Variants in BNIP3 observed in about 807,000 individuals in gnomAD.
The protein encoded by BNIP3 is BCL2/adenovirus E1B 19 kDa protein-interacting protein 3.
A neutral mutation model predicts 23.9 loss-of-function variants in BNIP3; 16 were observed. The observed-to-expected ratio is 0.67, with a 90% CI of 0.45 to 1.01. The LOEUF (loss-of-function observed/expected upper bound fraction) is 1.01. Ranked by LOEUF, BNIP3 falls within the 50% of genes least tolerant of loss-of-function variation. BNIP3 has a pLI of 0.00. For missense variants in BNIP3, 198 were observed against 248.7 expected (o/e 0.80, Z 1.37); for synonymous variants, 81 against 89.3 (o/e 0.91, Z 0.53).
At chr10:131,971,268 C>A in intron 3 of BNIP3, 3 of 414,666 alleles carry the variant, frequency 7.2e-6, no homozygotes, top group Non-Finnish European at 4.5e-6. Flanking sequence ...CTGACAGCGG[C>A]AAACACTGTC....
At chr10:131,971,226 T>TAC (rs1191508907) in intron 3 of BNIP3, 1 of 495,758 alleles carries the variant, frequency 2.0e-6, no homozygotes, top group African/African-American at 1.9e-5. Flanking sequence ...AGGGCGTAAA[T>TAC]ACATTTGGTT....
intron 1 of BNIP3, among the ~76,000 whole-genome samples, chr10:131,975,882 C>G (rs3829156): frequency 0.28 from 43,353 of 152,142 alleles, 6,271 homozygotes; most frequent in East Asian, 0.45. Flanking sequence ...AAAGGCAAGC[C>G]AGGGTCTGTC....
chr10:131,973,239 C>T (rs753690476), intron 2 of BNIP3, 121 bp from the exon 3 acceptor site: 21 of 979,004 alleles, frequency 2.1e-5, no homozygotes, highest in African/African-American at 4.8e-5. Flanking sequence ...AGTCAGCGTA[C>T]GCGTCTTCCC....
intron 1 of BNIP3, among the ~76,000 whole-genome samples, chr10:131,975,516 A>G (rs2037072900): frequency 6.6e-6 from 1 of 152,038 alleles, no homozygotes; most frequent in African/African-American, 2.4e-5. Flanking sequence ...CCTTAAACCA[A>G]CACAGCACTA....
chr10:131,980,771 G>C (rs988205174), intron 1 of BNIP3: 2 of 152,128 alleles, frequency 1.3e-5, no homozygotes, highest in African/African-American at 4.8e-5. Context: ...CACTGTCAGA[G>C]GTTTCAGCAG....
intron 2 of BNIP3, 121 bp from the exon 3 acceptor site, chr10:131,973,239 C>A: frequency 1.0e-6 from 1 of 979,126 alleles, no homozygotes; most frequent in Non-Finnish European, 1.6e-6. Context: ...AGTCAGCGTA[C>A]GCGTCTTCCC....
At chr10:131,972,995 CAAAT>C in intron 3 of BNIP3, 35 bp downstream of exon 3, 1 of 1,581,978 alleles carries the variant, frequency 6.3e-7, no homozygotes, top group Non-Finnish European at 8.7e-7. Context: ...AAACAGATCA[CAAAT>C]ACTTTTACAA....
chr10:131,971,563 C>T (rs997988385), intron 3 of BNIP3: 1 of 152,526 alleles, frequency 6.6e-6, no homozygotes, highest in Non-Finnish European at 1.5e-5. Flanking sequence ...TACTTTTTTG[C>T]ATTTTCAAAA....
intron 1 of BNIP3, chr10:131,980,567 A>AC (rs747202964): frequency 6.8e-5 from 10 of 146,916 alleles, no homozygotes; most frequent in Non-Finnish European, 1.2e-4. Flanking sequence ...ACACAGTGAG[A>AC]CCCCGTCTCT....
In BNIP3 at chr10:131,967,694, T is replaced by C. The variant is rs1443034526; in HGVS notation, c.*830A>G. Reference sequence around the variant, plus strand: ...ATGTAAATACAGTAATCTGAAGGATTTGGCAAAGATTTATTTTTTTTTCCA... The same window carrying C: ...ATGTAAATACAGTAATCTGAAGGATCTGGCAAAGATTTATTTTTTTTTCCA... On this transcript the variant is annotated 3_prime_UTR_variant, in exon 6 of 6. Transcript: ENST00000368636. The C allele has an allele frequency of 1.9e-4, 29 of 152,788 alleles. No homozygotes were observed. Among genetic ancestry groups the C allele is most frequent in the African/African-American group, 6.3e-4 (26 of 41,574 alleles). The allele number at this position is 152,788 out of a possible 1,614,324, so 9.5% of individuals were successfully genotyped here.
rs1390641794 is a variant in BNIP3 at position 131,970,462 on chromosome 10, G to T, written c.539+176C>A. ...CAGGGCGCCTGTGCTGGGGCCTTTG[G>T]GGGCTGCAGGCTGGTGGTTTCTGGA... On this transcript the variant is annotated intron_variant, in intron 5 of 5. Transcript: ENST00000368636. This position sits in a 1 kb window ranked among gnomAD's most constrained non-coding sequence, Gnocchi z 4.1. 1.1e-6 allele frequency: 1 copy of T among 931,074 alleles called. No homozygotes were observed. Among genetic ancestry groups the T allele is most frequent in the African/African-American group, 1.7e-5 (1 of 59,824 alleles). 57.7% of individuals were successfully genotyped at this position (931,074 alleles called of 1,614,324 possible).
At chr10:131,972,134 TAGGA>T (rs924535885) in intron 3 of BNIP3, among the ~76,000 whole-genome samples, 1 of 151,848 alleles carries the variant, frequency 6.6e-6, no homozygotes, top group Non-Finnish European at 1.5e-5. Context: ...TGTGCCGGAG[TAGGA>T]AGGGAGAACG....
At chr10:131,971,831 C>T (rs967148589) in intron 3 of BNIP3, among the ~76,000 whole-genome samples, 17 of 152,284 alleles carry the variant, frequency 1.1e-4, no homozygotes, top group Admixed American at 6.5e-4. Context: ...TGCTGCCCCT[C>T]GGAGTGGGGC....
intron 1 of BNIP3, 147 bp downstream of exon 1, chr10:131,981,614 G>T: frequency 9.8e-7 from 1 of 1,017,786 alleles, no homozygotes; most frequent in African/African-American, 1.7e-5. Context: ...CAGGAGGGGT[G>T]GGTACGGAAG....
At chr10:131,974,794 C>T (rs1390838609) in intron 1 of BNIP3, among the ~76,000 whole-genome samples, 1 of 152,130 alleles carries the variant, frequency 6.6e-6, no homozygotes, top group East Asian at 1.9e-4. Context: ...ACTGGTTCTT[C>T]GAATCTCTTA....
chr10:131,971,220 C>T (rs1723445300), intron 3 of BNIP3: 1 of 508,642 alleles, frequency 2.0e-6, no homozygotes, highest in South Asian at 2.1e-5. Flanking sequence ...CCACTCAGGG[C>T]GTAAATACAT....
In BNIP3 at chr10:131,970,927, A is replaced by G. The variant is rs768951105; in HGVS notation, c.326T>C (p.Ile109Thr). 2.5e-6 allele frequency: 4 copies of G among 1,614,234 alleles called. No homozygotes were observed. Among genetic ancestry groups the G allele is most frequent in the Admixed American group, 1.7e-5 (1 of 60,026 alleles). The change falls in exon 4 of 6, where the codon ATC becomes ACC. Residue 109 changes from isoleucine (I) to threonine (T), a missense_variant. Physicochemically the swap from Ile to Thr is moderately conservative, Grantham distance 89. Coordinates refer to ENST00000368636, the MANE Select transcript of BNIP3 (RefSeq NM_004052.4). This position sits in a 1 kb window ranked among gnomAD's most constrained non-coding sequence, Gnocchi z 4.1. ...TATCCAATCTGAGTTTTTCTTCAAG[A>G]TGCTTTCAACTTCTTTCCTTCTTTC... ...DIERRKEVES[I>T]LKKNSDWIWD...
intron 3 of BNIP3, 189 bp from the exon 4 acceptor site, chr10:131,971,159 G>A (rs752543643): frequency 7.8e-5 from 47 of 598,740 alleles, no homozygotes; most frequent in Admixed American, 1.5e-4. Flanking sequence ...CCGCACTCCC[G>A]GCTCACAGCA....
rs1198517347 is a variant in BNIP3, at chr10:131,976,072, C to G, written c.47-2129G>C. ...TAGCCCTCCTTCCCTCTCTGCGGTT[C>G]AAGATGCCATGCGGCCGGCTAGCCA... On this transcript the variant is annotated intron_variant, in intron 1 of 5. Coordinates refer to ENST00000368636, the MANE Select transcript of BNIP3 (RefSeq NM_004052.4). The surrounding 1 kb of genome is among the most constrained non-coding windows in gnomAD (Gnocchi z 4.3). Among the ~76,000 whole-genome samples the G allele has an allele frequency of 6.6e-6, 1 of 152,354 alleles. No homozygotes were observed.
Sources: gnomAD v4.1 joint callset for allele counts (sites outside exome capture counted in the v4.1 genomes callset) on GRCh38, gnomAD v4.1.1 for gene constraint, Gnocchi (gnomAD v3.1) non-coding constraint, MANE v1.5 for transcripts, NCBI Gene and HGNC (gene_info 2026-07-23, HGNC 2026-07-21) for gene names.